Variants in GNA15 observed in about 807,000 individuals in gnomAD.
The protein encoded by GNA15 is guanine nucleotide-binding protein subunit alpha-15.
In GNA15, 23 loss-of-function variants were observed where a neutral mutation model predicts 40.1. The observed-to-expected ratio is 0.57, with a 90% CI of 0.41 to 0.81. GNA15 has a LOEUF of 0.81. Among genes scored for constraint, GNA15 ranks in the 40% least tolerant of loss-of-function variants. The pLI is 0.00. For synonymous variants in GNA15, 226 were observed against 210.4 expected, an observed-to-expected ratio of 1.07 and a Z score of -0.64; for missense variants, 522 against 515.8, an observed-to-expected ratio of 1.01 and a Z score of -0.12.
At chr19:3,138,939 CTTTT>C in intron 1 of GNA15, among the ~76,000 whole-genome samples, 1 of 105,642 alleles carries the variant, frequency 9.5e-6, no homozygotes, top group East Asian at 2.7e-4. Flanking sequence ...CGCCCAGCCT[CTTTT>C]TTTTTTTTTT....
At chr19:3,156,042 C>T in intron 5 of GNA15, 90 bp downstream of exon 5, 1 of 1,291,218 alleles carries the variant, frequency 7.7e-7, no homozygotes, top group Non-Finnish European at 1.1e-6. Flanking sequence ...GGAGGGATCC[C>T]TGCTCTTGAA....
At chr19:3,156,136 T>C (rs1915007580) in intron 5 of GNA15, among the ~76,000 whole-genome samples, 184 bp downstream of exon 5, 1 of 150,040 alleles carries the variant, frequency 6.7e-6, no homozygotes, top group Admixed American at 6.6e-5. Context: ...GACACAGACC[T>C]ACAGCATTTG....
chr19:3,137,759 C>T lies in GNA15; in HGVS notation c.145+1164C>T, dbSNP rs976992978. ...ATCATGCCACTGCACTCCAGACTGG[C>T]GACAGAGTGAGACGCCATCTCAAAC... On this transcript the variant is annotated intron_variant, in intron 1 of 6. Coordinates refer to ENST00000262958, the MANE Select transcript of GNA15 (RefSeq NM_002068.4). Among the ~76,000 whole-genome samples, 16 of 149,806 alleles carry T rather than the reference C, an allele frequency of 1.1e-4. No individual in the cohort carries two copies. In the East Asian group the frequency reaches 1.8e-3, roughly 17 times the overall value.
chr19:3,149,353 A>G (rs1914822298), intron 2 of GNA15: 1 of 159,404 alleles, frequency 6.3e-6, no homozygotes. Context: ...ACACATGCAC[A>G]TACACAAACA....
chr19:3,144,813 C>T (rs1041145181), intron 1 of GNA15, among the ~76,000 whole-genome samples: 1 of 149,592 alleles, frequency 6.7e-6, no homozygotes, highest in African/African-American at 2.5e-5. Flanking sequence ...CAGGCGTGAG[C>T]CACCGGGCCC....
At chr19:3,140,182 ACTT>A (rs1568292504) in intron 1 of GNA15, among the ~76,000 whole-genome samples, 3 of 151,208 alleles carry the variant, frequency 2.0e-5, no homozygotes, top group African/African-American at 4.9e-5. Flanking sequence ...TAGGCTATCT[ACTT>A]CTTCTTGTGT....
chr19:3,156,890 CCT>C (rs763521803), intron 5 of GNA15, among the ~76,000 whole-genome samples: 83 of 152,154 alleles, frequency 5.5e-4, no homozygotes, highest in Non-Finnish European at 1.0e-3. Context: ...GTGTGATGGC[CCT>C]GTTTCCAAAG....
At chr19:3,162,340 T>C (rs1915156955) in intron 6 of GNA15, among the ~76,000 whole-genome samples, 2 of 150,954 alleles carry the variant, frequency 1.3e-5, no homozygotes, top group Admixed American at 1.3e-4. Flanking sequence ...CTGCCAAGAT[T>C]GCACCATTGC....
chr19:3,148,539 C>T (rs1312667124), intron 1 of GNA15, 52 bp from the exon 2 acceptor site: 17 of 1,295,166 alleles, frequency 1.3e-5, no homozygotes, highest in African/African-American at 1.0e-4. Context: ...TTGGGGGTGT[C>T]GGGGGTGGGA....
chr19:3,157,663 G>T (rs750278587), intron 5 of GNA15, 65 bp from the exon 6 acceptor site: 204 of 1,468,294 alleles, frequency 1.4e-4, no homozygotes, highest in Non-Finnish European at 1.7e-4. Flanking sequence ...CCGTCTCCGC[G>T]ATGGGAGGGT....
intron 6 of GNA15, among the ~76,000 whole-genome samples, chr19:3,162,348 T>A (rs1915157086): frequency 6.6e-6 from 1 of 150,992 alleles, no homozygotes; most frequent in South Asian, 2.1e-4. Flanking sequence ...ATTGCACCAT[T>A]GCACTCCAGC....
chr19:3,145,732 G>A (rs1380018893), intron 1 of GNA15, among the ~76,000 whole-genome samples: 1 of 143,746 alleles, frequency 7.0e-6, no homozygotes, highest in African/African-American at 2.6e-5. Flanking sequence ...ATATTTAGTA[G>A]AGACAGAGTT....
At chr19:3,139,166 G>A (rs535494502) in intron 1 of GNA15, among the ~76,000 whole-genome samples, 5 of 151,300 alleles carry the variant, frequency 3.3e-5, no homozygotes, top group African/African-American at 7.3e-5. Flanking sequence ...GGCTGGTCTC[G>A]AACCCCTGAC....
At chr19:3,160,937 CTTTTTT>C (rs149959587) in intron 6 of GNA15, among the ~76,000 whole-genome samples, 22,472 of 101,870 alleles carry the variant, frequency 0.22, 2,075 homozygotes, top group Non-Finnish European at 0.25. Context: ...GGTATGACCA[CTTTTTT>C]TTTTTTTTTT....
intron 1 of GNA15, among the ~76,000 whole-genome samples, chr19:3,138,080 G>A (rs957629814): frequency 8.6e-5 from 13 of 151,864 alleles, no homozygotes; most frequent in Non-Finnish European, 1.5e-4. Flanking sequence ...CCTGGTCAAC[G>A]TGGCGAAACC....
intron 6 of GNA15, among the ~76,000 whole-genome samples, chr19:3,158,448 G>A (rs956731151): frequency 7.2e-5 from 11 of 151,910 alleles, no homozygotes; most frequent in African/African-American, 1.2e-4. Flanking sequence ...CACCATGCCC[G>A]GCCAAACATT....
chr19:3,154,062 TGATG>T (rs140588083), intron 4 of GNA15, among the ~76,000 whole-genome samples: 24,994 of 147,022 alleles, frequency 0.17, 2,337 homozygotes, highest in Non-Finnish European at 0.21. Context: ...GGCAGGTGGA[TGATG>T]GATGGATGAA....
intron 2 of GNA15, chr19:3,149,039 A>ACATC: frequency 3.0e-6 from 1 of 332,186 alleles, no homozygotes; most frequent in Non-Finnish European, 5.1e-6. Flanking sequence ...AAGGACACAC[A>ACATC]CGTACATGCT....
At chr19:3,138,451 C>T (rs910492827) in intron 1 of GNA15, among the ~76,000 whole-genome samples, 1 of 152,134 alleles carries the variant, frequency 6.6e-6, no homozygotes, top group African/African-American at 2.4e-5. Flanking sequence ...CTTCTGGACT[C>T]GCGTTTGTCT....
Sources: gnomAD v4.1 joint callset for allele counts (sites outside exome capture counted in the v4.1 genomes callset) on GRCh38, gnomAD v4.1.1 for gene constraint, MANE v1.5 for transcripts, NCBI Gene and HGNC (gene_info 2026-07-23, HGNC 2026-07-21) for gene names.